IFNAR1: variants seen among roughly 807,000 people sequenced by gnomAD.
The protein encoded by IFNAR1 is interferon alpha/beta receptor 1.
IFNAR1 carries 47 observed loss-of-function variants against 62.1 expected under a neutral mutation model. The ratio of observed to expected loss-of-function variants is 0.76; its 90% CI spans 0.60 to 0.97. The LOEUF is 0.97. Among genes scored for constraint, IFNAR1 ranks in the 50% least tolerant of loss-of-function variants. The probability of loss-of-function intolerance (pLI) is 0.00; values close to 1 mark genes in which losing one functional copy is unlikely to be tolerated. For synonymous variants in IFNAR1, 219 were observed against 226.9 expected (o/e 0.97, Z 0.31); for missense variants, 638 against 654.5 (o/e 0.97, Z 0.27).
intron 1 of IFNAR1, among the ~76,000 whole-genome samples, chr21:33,331,264 C>A (rs1185185173): frequency 1.3e-5 from 2 of 152,166 alleles, no homozygotes; most frequent in African/African-American, 4.8e-5. Flanking sequence ...CAGTCATGCA[C>A]CCCTGTGCCT....
At chr21:33,342,653 G>A (rs1309196191) in intron 3 of IFNAR1, among the ~76,000 whole-genome samples, 2 of 143,714 alleles carry the variant, frequency 1.4e-5, no homozygotes, top group Non-Finnish European at 3.0e-5. Flanking sequence ...GACCATCCTG[G>A]CTAACACGGT....
Position 33,340,983 on chromosome 21 carries a change from T to A in IFNAR1, c.201-16T>A. 6.4e-7 allele frequency: 1 copy of A among 1,559,352 alleles called. No homozygotes were observed. Among genetic ancestry groups the A allele is most frequent in the Non-Finnish European group, 8.8e-7 (1 of 1,136,006 alleles). On this transcript the variant is annotated splice_polypyrimidine_tract_variant and intron_variant, in intron 2 of 10. Transcript: ENST00000270139. Reference sequence around the variant, plus strand: ...TACATTTGCTCACTCATTCATTTGTTTTTTTTACTTTAAAGAACTGGGATG... The same window carrying A: ...TACATTTGCTCACTCATTCATTTGTATTTTTTACTTTAAAGAACTGGGATG...
rs527798352 is a variant in IFNAR1 at position 33,329,403 on chromosome 21, T to C, written c.76+4272T>C. On this transcript the variant is annotated intron_variant, in intron 1 of 10. Coordinates refer to ENST00000270139, the MANE Select transcript of IFNAR1 (RefSeq NM_000629.3). ...ATGTATTCTATTCAGGGATGAAGTT[T>C]TAGAGACTCCAAGTATGAAACAGAA... 1.3e-4 allele frequency among the ~76,000 whole-genome samples: 20 copies of C among 152,272 alleles called. No individual in the cohort carries two copies. In the East Asian group the frequency reaches 3.7e-3, roughly 28 times the overall value.
rs144184584 is a variant in IFNAR1, at chr21:33,328,523, A to T, written c.76+3392A>T. On this transcript the variant is annotated intron_variant, in intron 1 of 10. Coordinates refer to ENST00000270139, the MANE Select transcript of IFNAR1 (RefSeq NM_000629.3). ...CGTAACTATCTACTTTTTCCCCAAAAAAAATCATGTTGAAAACTCAAGACC... is the reference window on the plus strand; with the variant it reads ...CGTAACTATCTACTTTTTCCCCAAATAAAATCATGTTGAAAACTCAAGACC... Among the ~76,000 whole-genome samples the T allele has an allele frequency of 8.8e-3, 1,335 of 152,308 alleles. 49 individuals carry two copies. The highest frequency in any genetic ancestry group is 0.07 in the Admixed American group (1,075 of 15,290).
chr21:33,341,256 G>C, intron 3 of IFNAR1, 82 bp downstream of exon 3: 1 of 1,079,828 alleles, frequency 9.3e-7, no homozygotes, highest in Non-Finnish European at 1.3e-6. Flanking sequence ...TCATTTGCAT[G>C]ATGCAAAATC....
intron 8 of IFNAR1, among the ~76,000 whole-genome samples, chr21:33,352,339 T>C (rs868055946): frequency 2.0e-5 from 3 of 152,138 alleles, no homozygotes; most frequent in Middle Eastern, 3.4e-3. Flanking sequence ...CTCACACATA[T>C]ACTCTGTAAT....
At chr21:33,326,625 G>C (rs572540191) in intron 1 of IFNAR1, among the ~76,000 whole-genome samples, 16 of 152,318 alleles carry the variant, frequency 1.1e-4, no homozygotes, top group Non-Finnish European at 1.5e-4. Flanking sequence ...TGTCAGGGTA[G>C]CCCTTCGCAG....
chr21:33,333,344 A>G (rs2083198999), intron 1 of IFNAR1, among the ~76,000 whole-genome samples: 3 of 152,224 alleles, frequency 2.0e-5, no homozygotes, highest in Admixed American at 2.0e-4. Flanking sequence ...AGGGAGTCCT[A>G]CATCTGGAAG....
chr21:33,340,926 A>G (rs969429602), intron 2 of IFNAR1, 73 bp from the exon 3 acceptor site: 2 of 917,790 alleles, frequency 2.2e-6, no homozygotes, highest in Admixed American at 2.1e-5. Context: ...CTCTTATACC[A>G]GTAAATAGAA....
chr21:33,337,761 A>ATATACATATACACACATTGTG (rs2083256565), intron 2 of IFNAR1, among the ~76,000 whole-genome samples: 1 of 108,660 alleles, frequency 9.2e-6, no homozygotes, highest in African/African-American at 3.5e-5. Flanking sequence ...TACACACTAT[A>ATATACATATACACACATTGTG]TATACATATA....
intron 1 of IFNAR1, among the ~76,000 whole-genome samples, chr21:33,328,041 A>T (rs751517975): frequency 1.5e-4 from 23 of 152,246 alleles, no homozygotes; most frequent in Non-Finnish European, 2.2e-4. Context: ...GCAGCCCATG[A>T]TGGCTTTGAA....
chr21:33,335,938 T>C (rs1232294004), intron 2 of IFNAR1, among the ~76,000 whole-genome samples: 2 of 151,096 alleles, frequency 1.3e-5, no homozygotes, highest in African/African-American at 4.8e-5. Context: ...TTTTAATTAT[T>C]ATACTTTAAG....
chr21:33,335,129 A>G (rs1204829991), intron 1 of IFNAR1: 4 of 673,766 alleles, frequency 5.9e-6, no homozygotes, highest in Non-Finnish European at 1.1e-5. Context: ...ATTGTAAGTC[A>G]AGAAGCATCT....
rs2083216225 is a variant in IFNAR1 at position 33,334,695 on chromosome 21, G to A, written c.77-829G>A. The A allele has an allele frequency of 3.5e-6, 3 of 848,034 alleles. No individual in the cohort carries two copies. In the Admixed American group the frequency reaches 5.3e-5, roughly 15 times the overall value. 52.5% of individuals were successfully genotyped at this position (848,034 alleles called of 1,614,324 possible). On this transcript the variant is annotated intron_variant, in intron 1 of 10. Transcript: ENST00000270139. ...TGGGGCTATTGCCAGCATCCAGTCA[G>A]CTGCCACCTTCCCTGACCCCAGTGT... is the stretch of plus-strand genomic sequence containing the variant.
chr21:33,339,746 A>G (rs1156625851), intron 2 of IFNAR1, among the ~76,000 whole-genome samples: 1 of 151,402 alleles, frequency 6.6e-6, no homozygotes, highest in Non-Finnish European at 1.5e-5. Context: ...ACATGGCAAA[A>G]CCCCATCTCT....
chr21:33,334,518 G>A (rs2083214281), intron 1 of IFNAR1: 2 of 406,038 alleles, frequency 4.9e-6, no homozygotes, highest in South Asian at 4.5e-5. Flanking sequence ...GATGTTCTTA[G>A]ATAGACAAAA....
At chr21:33,338,550 A>C (rs1223967085) in intron 2 of IFNAR1, among the ~76,000 whole-genome samples, 3 of 146,350 alleles carry the variant, frequency 2.0e-5, no homozygotes, top group Non-Finnish European at 3.0e-5. Context: ...AAAAAAACCC[A>C]ACAAATATTG....
At chr21:33,340,912 A>G (rs1235209359) in intron 2 of IFNAR1, 87 bp from the exon 3 acceptor site, 8 of 824,326 alleles carry the variant, frequency 9.7e-6, no homozygotes, top group Non-Finnish European at 1.6e-5. Context: ...GAGTTAAGAA[A>G]TAACTCTTAT....
rs966076838 is a variant in IFNAR1, at chr21:33,338,749, T to G, written c.201-2250T>G. 1.8e-4 allele frequency among the ~76,000 whole-genome samples: 26 copies of G among 143,440 alleles called. 1 individual carries two copies. Among genetic ancestry groups the G allele is most frequent in the Admixed American group, 2.8e-4 (4 of 14,460 alleles). 94.1% of individuals were successfully genotyped at this position (143,440 alleles called of 152,430 possible). Reference sequence around the variant, plus strand: ...ATGATAATAGTTTTTTTGTTGTTGGTTTTTTTTTTTTGAGACGGAGTCTTG... The same window carrying G: ...ATGATAATAGTTTTTTTGTTGTTGGGTTTTTTTTTTTGAGACGGAGTCTTG... On this transcript the variant is annotated intron_variant, in intron 2 of 10. Transcript: ENST00000270139.
Sources: gnomAD v4.1 joint callset for allele counts (sites outside exome capture counted in the v4.1 genomes callset) on GRCh38, gnomAD v4.1.1 for gene constraint, MANE v1.5 for transcripts, NCBI Gene and HGNC (gene_info 2026-07-23, HGNC 2026-07-21) for gene names.